The following DCC variants were observed in gnomAD, a reference collection of about 807,000 sequenced individuals.
DCC encodes the protein netrin receptor DCC.
DCC carries 58 observed loss-of-function variants against 172.5 expected under a neutral mutation model. The ratio of observed to expected loss-of-function variants is 0.34; its 90% CI spans 0.27 to 0.42. The LOEUF (loss-of-function observed/expected upper bound fraction) is 0.42. Among genes scored for constraint, DCC ranks in the 10% least tolerant of loss-of-function variants. The pLI, the probability that DCC is intolerant of heterozygous loss-of-function variation, is 1.00. For synonymous variants in DCC, 709 were observed against 644.5 expected (o/e 1.10, Z -1.52); for missense variants, 1,740 against 1,791.0 (o/e 0.97, Z 0.51).
chr18:53,213,809 A>G (rs912371578), intron 11 of DCC, among the ~76,000 whole-genome samples: 39 of 151,902 alleles, frequency 2.6e-4, no homozygotes, highest in Non-Finnish European at 5.2e-4. Flanking sequence ...CTTCAATTTA[A>G]AAAACTAAAT....
At chr18:53,350,580 TA>T (rs1343319381) in intron 15 of DCC, among the ~76,000 whole-genome samples, 1 of 151,346 alleles carries the variant, frequency 6.6e-6, no homozygotes, top group East Asian at 1.9e-4. Flanking sequence ...TGCCTCTCCA[TA>T]ATGTTTAATA....
chr18:52,791,822 C>T lies in DCC; in HGVS notation c.412+39448C>T, dbSNP rs188414339. Among the ~76,000 whole-genome samples the T allele has an allele frequency of 7.0e-3, 1,070 of 152,170 alleles. 8 individuals are homozygous for T. The highest frequency in any genetic ancestry group is 0.02 in the Middle Eastern group (6 of 294). On this transcript the variant is annotated intron_variant, in intron 2 of 28. Transcript: ENST00000442544. ...CTTAGAGAATGGTTCCAGTTAACTT[C>T]CAAACTTAAAATACCCTTACTAATT...
intron 2 of DCC, among the ~76,000 whole-genome samples, chr18:52,776,611 G>GC (rs2037438781): frequency 6.6e-6 from 1 of 152,108 alleles, no homozygotes; most frequent in Non-Finnish European, 1.5e-5. Context: ...CAAGTGCTGA[G>GC]CCAGGTTGCA....
At chr18:53,468,463 A>G (rs1354584182) in intron 25 of DCC, among the ~76,000 whole-genome samples, 1 of 151,248 alleles carries the variant, frequency 6.6e-6, no homozygotes, top group Non-Finnish European at 1.5e-5. Context: ...GCTCACTGCA[A>G]CTTCCACCTC....
chr18:53,154,785 C>G (rs1200823197), intron 7 of DCC, among the ~76,000 whole-genome samples: 1 of 152,100 alleles, frequency 6.6e-6, no homozygotes, highest in Non-Finnish European at 1.5e-5. Flanking sequence ...GAATATCACC[C>G]AGGAGGAGAA....
intron 5 of DCC, among the ~76,000 whole-genome samples, chr18:52,955,297 T>C (rs552833716): frequency 6.6e-6 from 1 of 152,276 alleles, no homozygotes; most frequent in Non-Finnish European, 1.5e-5. Context: ...TACCATGTAG[T>C]TCACATCATA....
chr18:52,872,525 G>T (rs986981527), intron 2 of DCC, among the ~76,000 whole-genome samples: 1 of 152,112 alleles, frequency 6.6e-6, no homozygotes, highest in Non-Finnish European at 1.5e-5. Context: ...CTCAAAATAT[G>T]CCAAAGTATA....
chr18:53,022,446 A>G (rs1417598668), intron 5 of DCC, among the ~76,000 whole-genome samples: 2 of 152,064 alleles, frequency 1.3e-5, no homozygotes, highest in African/African-American at 2.4e-5. Context: ...AGTTAAAACA[A>G]TGGCAGGAAC....
chr18:52,606,280 T>A (rs1167890578), intron 1 of DCC, among the ~76,000 whole-genome samples: 1 of 152,030 alleles, frequency 6.6e-6, no homozygotes, highest in African/African-American at 2.4e-5. Context: ...GACAAGTTGC[T>A]TAAACTCCCA....
At chr18:52,906,014 C>T in intron 2 of DCC, 30 bp from the exon 3 acceptor site, 1 of 1,443,320 alleles carries the variant, frequency 6.9e-7, no homozygotes, top group East Asian at 2.3e-5. Context: ...ATTTGGAAGA[C>T]TTATTCTTCC....
In DCC at chr18:52,441,076, A is replaced by T. The variant is rs1387994166; in HGVS notation, c.91+100198A>T. Among the ~76,000 whole-genome samples, 2 of 152,248 alleles carry T rather than the reference A, an allele frequency of 1.3e-5. 1 individual carries two copies. On this transcript the variant is annotated intron_variant, in intron 1 of 28. Coordinates refer to ENST00000442544, the MANE Select transcript of DCC (RefSeq NM_005215.4). ...TCAAGTTTGCCTTGAGGCTATGGAC[A>T]TAAGAAAATAGTCAATAATATCTTT...
At chr18:52,850,464 A>T (rs1335237263) in intron 2 of DCC, among the ~76,000 whole-genome samples, 1 of 152,100 alleles carries the variant, frequency 6.6e-6, no homozygotes, top group Admixed American at 6.5e-5. Flanking sequence ...TAGAGGGAAA[A>T]ATCCATTATT....
chr18:52,635,017 G>A (rs1417364748), intron 1 of DCC, among the ~76,000 whole-genome samples: 3 of 152,086 alleles, frequency 2.0e-5, no homozygotes, highest in Non-Finnish European at 2.9e-5. Flanking sequence ...AAAATTAGTA[G>A]TAAATTATTT....
intron 2 of DCC, among the ~76,000 whole-genome samples, chr18:52,853,321 C>T (rs527757531): frequency 3.3e-5 from 5 of 152,250 alleles, no homozygotes; most frequent in African/African-American, 1.2e-4. Flanking sequence ...TAGAAGAAGT[C>T]GTAAGACCAT....
At chr18:52,348,379 C>T (rs962955391) in intron 1 of DCC, among the ~76,000 whole-genome samples, 3 of 152,096 alleles carry the variant, frequency 2.0e-5, no homozygotes, top group South Asian at 2.1e-4. Flanking sequence ...TCTTTTCATC[C>T]GGGAGGCAAA....
intron 24 of DCC, among the ~76,000 whole-genome samples, chr18:53,466,886 G>C (rs2045628323): frequency 6.6e-6 from 1 of 152,194 alleles, no homozygotes; most frequent in Non-Finnish European, 1.5e-5. Flanking sequence ...TGTGTGGACA[G>C]AGTTAGATTT....
At chr18:53,517,673 A>G (rs957860857) in intron 27 of DCC, among the ~76,000 whole-genome samples, 2 of 152,048 alleles carry the variant, frequency 1.3e-5, no homozygotes, top group Non-Finnish European at 2.9e-5. Flanking sequence ...AGAGGGGAGC[A>G]GGGCACCTCA....
chr18:53,154,827 A>G (rs1381289937), intron 7 of DCC, among the ~76,000 whole-genome samples: 1 of 151,936 alleles, frequency 6.6e-6, no homozygotes, highest in East Asian at 1.9e-4. Context: ...GAATAAATTC[A>G]CTCCAGTGTG....
chr18:53,149,870 G>A (rs2043972611), intron 7 of DCC, among the ~76,000 whole-genome samples: 1 of 152,012 alleles, frequency 6.6e-6, no homozygotes, highest in Non-Finnish European at 1.5e-5. Context: ...ACTTTTATTT[G>A]GCCATACTCT....
Sources: gnomAD v4.1 joint callset for allele counts (sites outside exome capture counted in the v4.1 genomes callset) on GRCh38, gnomAD v4.1.1 for gene constraint, MANE v1.5 for transcripts, NCBI Gene and HGNC (gene_info 2026-07-23, HGNC 2026-07-21) for gene names.